Variants in NFIA observed in about 807,000 individuals in gnomAD.
NFIA encodes nuclear factor 1 A-type.
Under a neutral mutation model 62.8 loss-of-function variants are expected in NFIA, and 8 were observed. The observed-to-expected ratio is 0.13, with a 90% confidence interval of 0.07 to 0.23. The LOEUF (loss-of-function observed/expected upper bound fraction) is 0.23. Among genes scored for constraint, NFIA ranks in the 10% least tolerant of loss-of-function variants. The pLI is 1.00. For missense variants in NFIA, 410 were observed against 642.1 expected (o/e 0.64, Z 3.91); for synonymous variants, 235 against 238.1 (o/e 0.99, Z 0.12).
intron 3 of NFIA, among the ~76,000 whole-genome samples, chr1:61,317,193 G>T (rs1028952507): frequency 3.3e-5 from 5 of 151,844 alleles, no homozygotes; most frequent in Admixed American, 6.6e-5. Context: ...CTGGAAAAAG[G>T]AGGCCATTTT....
At chr1:61,126,462 A>ACACACACTCT (rs1553153085) in intron 2 of NFIA, among the ~76,000 whole-genome samples, 1 of 145,820 alleles carries the variant, frequency 6.9e-6, no homozygotes, top group Non-Finnish European at 1.5e-5. Context: ...ACACACACAC[A>ACACACACTCT]CACACACACA....
At chr1:61,151,596 C>A (rs1648416344) in intron 2 of NFIA, among the ~76,000 whole-genome samples, 1 of 152,066 alleles carries the variant, frequency 6.6e-6, no homozygotes, top group South Asian at 2.1e-4. Context: ...GATTTTATGT[C>A]GCGTAACCAT....
In NFIA at chr1:61,120,783, T is replaced by G. The variant is rs561542453; in HGVS notation, c.559+32103T>G. On this transcript the variant is annotated intron_variant, in intron 2 of 10. Transcript: ENST00000403491. Reference sequence around the variant, plus strand: ...ACAAACTACTTTTTAAATAGCTTGCTGGTTCTAAATTTAAGGAGAATGGAA... The same window carrying G: ...ACAAACTACTTTTTAAATAGCTTGCGGGTTCTAAATTTAAGGAGAATGGAA... 3.3e-5 allele frequency among the ~76,000 whole-genome samples: 5 copies of G among 152,360 alleles called. No homozygotes were observed. The South Asian group carries it at 1.0e-3, about 32-fold the overall frequency.
In NFIA at chr1:61,357,658, A is replaced by G. The variant is rs563993350; in HGVS notation, c.819-1489A>G. Reference sequence around the variant, plus strand: ...TGTGTGTGGTTCCATCATAACTCCTATATTTCTCTTTTGCACAGTTTTGTT... The same window carrying G: ...TGTGTGTGGTTCCATCATAACTCCTGTATTTCTCTTTTGCACAGTTTTGTT... On this transcript the variant is annotated intron_variant, in intron 5 of 10. Coordinates refer to ENST00000403491, the MANE Select transcript of NFIA (RefSeq NM_001134673.4). 5.9e-5 allele frequency among the ~76,000 whole-genome samples: 9 copies of G among 152,102 alleles called. No homozygotes were observed. The South Asian group carries it at 1.0e-3, about 18-fold the overall frequency.
intron 2 of NFIA, among the ~76,000 whole-genome samples, chr1:61,172,109 C>T (rs958376341): frequency 3.9e-5 from 6 of 152,110 alleles, no homozygotes; most frequent in South Asian, 4.1e-4. Flanking sequence ...TCCTTAGTCA[C>T]GTGACTGGAA....
At chr1:61,318,689 G>T (rs372911158) in intron 3 of NFIA, among the ~76,000 whole-genome samples, 1 of 152,130 alleles carries the variant, frequency 6.6e-6, no homozygotes, top group South Asian at 2.1e-4. Context: ...CTGTCCTGTG[G>T]CTTGTTTGGA....
chr1:61,089,782 T>C (rs1314442427), intron 2 of NFIA, among the ~76,000 whole-genome samples: 1 of 150,890 alleles, frequency 6.6e-6, no homozygotes, highest in African/African-American at 2.4e-5. Flanking sequence ...TCTAAAAATG[T>C]TAGTGAGTTT....
At chr1:61,356,400 G>A (rs1662955136) in intron 5 of NFIA, among the ~76,000 whole-genome samples, 1 of 152,152 alleles carries the variant, frequency 6.6e-6, no homozygotes, top group Admixed American at 6.5e-5. Context: ...AATATTAAAT[G>A]TAGAAAGAGG....
intron 7 of NFIA, among the ~76,000 whole-genome samples, chr1:61,384,747 A>G (rs751400383): frequency 4.0e-4 from 61 of 152,142 alleles, no homozygotes; most frequent in Non-Finnish European, 7.5e-4. Context: ...GGGTCAAGTT[A>G]ACATATTCTA....
intron 3 of NFIA, among the ~76,000 whole-genome samples, chr1:61,329,316 G>T (rs1156845606): frequency 5.3e-5 from 8 of 151,622 alleles, no homozygotes; most frequent in Non-Finnish European, 1.2e-4. Context: ...AAAGTGCTGG[G>T]ATTACAGGTG....
chr1:61,366,316 TA>T (rs957191198), intron 6 of NFIA, among the ~76,000 whole-genome samples: 6 of 151,242 alleles, frequency 4.0e-5, no homozygotes, highest in African/African-American at 7.3e-5. Context: ...TTTTTTATTG[TA>T]AAAAAAAATG....
intron 2 of NFIA, among the ~76,000 whole-genome samples, chr1:61,256,208 ATTTGAGG>A: frequency 6.6e-6 from 1 of 152,010 alleles, no homozygotes; most frequent in East Asian, 1.9e-4. Context: ...CGGGTGGATC[ATTTGAGG>A]TGAGGTCAGG....
chr1:61,421,515 G>A (rs1471656030), intron 9 of NFIA, among the ~76,000 whole-genome samples: 3 of 152,160 alleles, frequency 2.0e-5, no homozygotes, highest in Non-Finnish European at 4.4e-5. Context: ...ACTTCATGTC[G>A]GTTTGTAGGC....
chr1:61,231,054 A>G (rs776830171), intron 2 of NFIA, among the ~76,000 whole-genome samples: 2 of 152,226 alleles, frequency 1.3e-5, no homozygotes, highest in African/African-American at 2.4e-5. Flanking sequence ...TACTGTAGCT[A>G]CTAGTGACCC....
intron 3 of NFIA, among the ~76,000 whole-genome samples, chr1:61,307,911 T>C (rs535769652): frequency 1.2e-4 from 19 of 152,290 alleles, no homozygotes; most frequent in African/African-American, 4.6e-4. Flanking sequence ...TCAGTTGTTG[T>C]TGTTGTTATT....
chr1:61,407,442 A>G (rs766285849), intron 9 of NFIA, among the ~76,000 whole-genome samples: 16 of 152,228 alleles, frequency 1.1e-4, no homozygotes, highest in Non-Finnish European at 2.2e-4. Flanking sequence ...TGAACTAGAG[A>G]GAGAGTAATT....
chr1:61,331,368 G>A (rs1399060218), intron 3 of NFIA, among the ~76,000 whole-genome samples: 1 of 152,168 alleles, frequency 6.6e-6, no homozygotes, highest in Non-Finnish European at 1.5e-5. Context: ...ATGTGTTTAT[G>A]TGTATGACAT....
At chr1:61,366,119 A>G (rs1350439337) in intron 6 of NFIA, among the ~76,000 whole-genome samples, 1 of 152,166 alleles carries the variant, frequency 6.6e-6, no homozygotes, top group Non-Finnish European at 1.5e-5. Context: ...CTAAGTTGAA[A>G]GGCAGCTCTG....
chr1:61,396,833 C>G (rs1569756171), intron 7 of NFIA, among the ~76,000 whole-genome samples: 2 of 152,034 alleles, frequency 1.3e-5, no homozygotes, highest in South Asian at 4.2e-4. Flanking sequence ...AACCCCATCT[C>G]TACTAAAAAA....
Sources: gnomAD v4.1 joint callset for allele counts (sites outside exome capture counted in the v4.1 genomes callset) on GRCh38, gnomAD v4.1.1 for gene constraint, MANE v1.5 for transcripts, NCBI Gene and HGNC (gene_info 2026-07-23, HGNC 2026-07-21) for gene names.